The following SEMA3A variants were observed in gnomAD, a reference collection of about 807,000 sequenced individuals.
SEMA3A encodes the protein semaphorin-3A.
A neutral mutation model predicts 97.9 loss-of-function variants in SEMA3A; 29 were observed. That is an observed-to-expected ratio of 0.30 (90% CI 0.22 to 0.40). SEMA3A has a LOEUF of 0.40. Among genes scored for constraint, SEMA3A ranks in the 10% least tolerant of loss-of-function variants. The probability of loss-of-function intolerance (pLI) is 1.00; values close to 1 mark genes in which losing one functional copy is unlikely to be tolerated. For missense variants in SEMA3A, 763 were observed against 951.3 expected (o/e 0.80, Z 2.60); for synonymous variants, 321 against 323.7 (o/e 0.99, Z 0.09).
chr7:84,086,519 T>TATAATATATTATATTATATTTAC (rs1562770137), intron 4 of SEMA3A, among the ~76,000 whole-genome samples: 19 of 73,084 alleles, frequency 2.6e-4, no homozygotes, highest in African/African-American at 7.0e-4. Context: ...ATTATATTTA[T>TATAATATATTATATTATATTTAC]ATATAATATA....
At chr7:84,395,739 C>T (rs1200802442) in intron 1 of SEMA3A, among the ~76,000 whole-genome samples, 5 of 152,078 alleles carry the variant, frequency 3.3e-5, no homozygotes, top group Non-Finnish European at 5.9e-5. Context: ...GAAGAAGGTG[C>T]CTTTCTTCCC....
chr7:84,449,520 A>G (rs1805506930), intron 1 of SEMA3A, among the ~76,000 whole-genome samples: 1 of 152,198 alleles, frequency 6.6e-6, no homozygotes, highest in Admixed American at 6.5e-5. Context: ...AAAAAGATTA[A>G]TAAGAGGATA....
At chr7:83,984,559 T>G (rs1257404986) in intron 13 of SEMA3A, among the ~76,000 whole-genome samples, 1 of 150,568 alleles carries the variant, frequency 6.6e-6, no homozygotes, top group African/African-American at 2.4e-5. Context: ...GTATATAAGT[T>G]TTTACTCTAG....
chr7:84,277,335 G>T (rs1414219137), intron 3 of SEMA3A, among the ~76,000 whole-genome samples: 1 of 152,034 alleles, frequency 6.6e-6, no homozygotes, highest in Non-Finnish European at 1.5e-5. Flanking sequence ...TATAGATAGA[G>T]ACGTAAAGTT....
At chr7:84,375,863 C>G (rs1479324575) in intron 1 of SEMA3A, among the ~76,000 whole-genome samples, 1 of 152,120 alleles carries the variant, frequency 6.6e-6, no homozygotes, top group Non-Finnish European at 1.5e-5. Flanking sequence ...CACTTCCCAG[C>G]CTCTAGGAAC....
intron 4 of SEMA3A, among the ~76,000 whole-genome samples, chr7:84,064,168 T>G (rs1793380543): frequency 6.6e-6 from 1 of 151,956 alleles, no homozygotes; most frequent in South Asian, 2.1e-4. Flanking sequence ...CCATCCAAAC[T>G]AAGCTTCATA....
At chr7:84,256,097 C>G (rs746863624) in intron 3 of SEMA3A, among the ~76,000 whole-genome samples, 2 of 152,022 alleles carry the variant, frequency 1.3e-5, no homozygotes, top group Admixed American at 1.3e-4. Context: ...TGTGCATTTA[C>G]AGTCCCATAC....
intron 2 of SEMA3A, among the ~76,000 whole-genome samples, chr7:84,323,199 T>C (rs1254895810): frequency 4.1e-4 from 62 of 152,222 alleles, no homozygotes; most frequent in Non-Finnish European, 4.4e-5. Flanking sequence ...TATCAATAGA[T>C]TGACTTTAAT....
intron 4 of SEMA3A, among the ~76,000 whole-genome samples, chr7:84,086,851 T>TA (rs1794394634): frequency 6.6e-6 from 1 of 151,596 alleles, no homozygotes; most frequent in African/African-American, 2.4e-5. Flanking sequence ...TTTACCCAAT[T>TA]ACTTCATCAC....
chr7:84,464,564 C>T (rs184396936), intron 1 of SEMA3A, among the ~76,000 whole-genome samples: 1 of 152,180 alleles, frequency 6.6e-6, no homozygotes, highest in Admixed American at 6.5e-5. Context: ...CAGAGGTAGG[C>T]AAGAAATACA....
chr7:84,120,889 T>C (rs747705350), intron 3 of SEMA3A, among the ~76,000 whole-genome samples: 36 of 152,166 alleles, frequency 2.4e-4, no homozygotes, highest in Non-Finnish European at 4.7e-4. Context: ...AAAATAGTGC[T>C]AGCTAGAGTA....
At chr7:84,438,530 CAGGA>C (rs1805192038) in intron 1 of SEMA3A, among the ~76,000 whole-genome samples, 2 of 152,068 alleles carry the variant, frequency 1.3e-5, no homozygotes, top group East Asian at 3.9e-4. Context: ...TTTCTCTAGG[CAGGA>C]TGTTGGGGTT....
chr7:84,337,714 G>A (rs1245586787), intron 2 of SEMA3A, among the ~76,000 whole-genome samples: 1 of 152,092 alleles, frequency 6.6e-6, no homozygotes, highest in Non-Finnish European at 1.5e-5. Context: ...AATCTCCCTA[G>A]ATCCTTAAAT....
At chr7:84,280,981 T>C (rs1244929583) in intron 3 of SEMA3A, among the ~76,000 whole-genome samples, 8 of 152,150 alleles carry the variant, frequency 5.3e-5, no homozygotes, top group African/African-American at 1.7e-4. Context: ...ATAAACGATA[T>C]ACTTCTTTGC....
chr7:84,288,660 T>C (rs1800656814), intron 3 of SEMA3A, among the ~76,000 whole-genome samples: 1 of 152,006 alleles, frequency 6.6e-6, no homozygotes, highest in Admixed American at 6.6e-5. Context: ...ATTGCACCAC[T>C]GCACTCTAGC....
chr7:84,062,078 A>C (rs1272893889), intron 4 of SEMA3A, among the ~76,000 whole-genome samples: 8 of 152,194 alleles, frequency 5.3e-5, no homozygotes, highest in East Asian at 1.9e-4. Flanking sequence ...AGGGTTAAAT[A>C]ATTTATTTAA....
intron 4 of SEMA3A, among the ~76,000 whole-genome samples, chr7:84,099,575 G>A (rs2115892298): frequency 6.6e-6 from 1 of 152,086 alleles, no homozygotes. Context: ...GTAAGCTCAG[G>A]AGTTAAAATT....
intron 4 of SEMA3A, among the ~76,000 whole-genome samples, chr7:84,078,319 G>C (rs1220942257): frequency 1.3e-5 from 2 of 151,856 alleles, no homozygotes; most frequent in Non-Finnish European, 2.9e-5. Flanking sequence ...TGAAACCTAA[G>C]GGGTTTTCAA....
At chr7:84,380,731 T>C (rs889875585) in intron 1 of SEMA3A, among the ~76,000 whole-genome samples, 8 of 152,180 alleles carry the variant, frequency 5.3e-5, no homozygotes, top group African/African-American at 1.9e-4. Context: ...GCTGAGTTCC[T>C]CACTGGAAAC....
Sources: allele counts gnomAD v4.1 joint callset (sites outside exome capture counted in the v4.1 genomes callset), GRCh38; gene constraint gnomAD v4.1.1; transcripts MANE v1.5; gene names NCBI Gene and HGNC (gene_info 2026-07-23, HGNC 2026-07-21).